PDCD6: variants seen among roughly 807,000 people sequenced by gnomAD.
The protein encoded by PDCD6 is programmed cell death 6, also known as programmed cell death protein 6.
PDCD6 carries 12 observed loss-of-function variants against 28.3 expected under a neutral mutation model. The observed-to-expected ratio is 0.42, with a 90% CI of 0.27 to 0.69. The LOEUF (loss-of-function observed/expected upper bound fraction) is 0.69. PDCD6 is among the 30% of genes least tolerant of loss of function. The pLI is 0.22. For missense variants in PDCD6, 226 were observed against 269.9 expected (o/e 0.84, Z 1.14); for synonymous variants, 92 against 108.0 (o/e 0.85, Z 0.92).
chr5:281,744 C>T (rs1205931787), intron 2 of PDCD6, among the ~76,000 whole-genome samples: 1 of 151,480 alleles, frequency 6.6e-6, no homozygotes, highest in Non-Finnish European at 1.5e-5. Flanking sequence ...GGCCCTACAG[C>T]TGGAGATCCG....
intron 2 of PDCD6, among the ~76,000 whole-genome samples, chr5:279,737 A>G (rs772186250): frequency 2.0e-5 from 3 of 149,768 alleles, no homozygotes; most frequent in Non-Finnish European, 4.4e-5. Flanking sequence ...ATGAATAAAT[A>G]TAAATGATTC....
At chr5:290,440 C>A (rs895790406) in intron 2 of PDCD6, 2 of 640,446 alleles carry the variant, frequency 3.1e-6, no homozygotes, top group Non-Finnish European at 5.6e-6. Context: ...GCATGCAGGC[C>A]AAGTTGGGTG....
At chr5:314,099 C>T (rs745365467) in intron 5 of PDCD6, among the ~76,000 whole-genome samples, 87 of 152,336 alleles carry the variant, frequency 5.7e-4, no homozygotes, top group Non-Finnish European at 1.2e-3. Context: ...TTCCACGGGA[C>T]GGTCTTCAGG....
At chr5:302,528 A>C in intron 2 of PDCD6, among the ~76,000 whole-genome samples, 1 of 136,834 alleles carries the variant, frequency 7.3e-6, no homozygotes, top group Non-Finnish European at 1.5e-5. Flanking sequence ...CCTCGGGTTC[A>C]GGTGCACCTG....
intron 2 of PDCD6, chr5:276,652 A>G (rs1738218944): frequency 1.0e-6 from 1 of 977,984 alleles, no homozygotes; most frequent in Non-Finnish European, 1.2e-6. Flanking sequence ...TGATAGTAGA[A>G]CTAAATTATT....
chr5:299,446 C>T (rs9654452), intron 2 of PDCD6, among the ~76,000 whole-genome samples: 35,761 of 150,356 alleles, frequency 0.24, 6,613 homozygotes, highest in African/African-American at 0.52. Context: ...CTGTGCTGAT[C>T]TCTCGTTCCC....
chr5:291,537 A>G (rs1452576584), intron 2 of PDCD6, among the ~76,000 whole-genome samples: 3 of 129,576 alleles, frequency 2.3e-5, no homozygotes, highest in Non-Finnish European at 3.3e-5. Context: ...GACATGGCTC[A>G]TTTTCATTGC....
rs111588970 is a variant in PDCD6, at chr5:307,367, G to A, written c.367+607G>A. ...GTGTGCTCGGCGTGTGTGTGCACAC[G>A]TGTGCCGTGCGCCTCAGAAGGGGCG... On this transcript the variant is annotated intron_variant, in intron 4 of 5. Coordinates refer to ENST00000264933, the MANE Select transcript of PDCD6 (RefSeq NM_013232.4). The surrounding 1 kb of genome is among the most constrained non-coding windows in gnomAD (Gnocchi z 6.1). Among the ~76,000 whole-genome samples the A allele has an allele frequency of 6.2e-5, 8 of 128,402 alleles. No individual in the cohort carries two copies. The highest frequency in any genetic ancestry group is 2.8e-4 in the South Asian group (1 of 3,588). The allele number at this position is 128,402 out of a possible 152,430, so 84.2% of individuals were successfully genotyped here.
chr5:277,047 T>C (rs1369415399), intron 2 of PDCD6: 5 of 516,862 alleles, frequency 9.7e-6, no homozygotes, highest in Non-Finnish European at 1.2e-5. Context: ...TTTGCCTTAA[T>C]ATAACACTGA....
intron 2 of PDCD6, among the ~76,000 whole-genome samples, chr5:275,354 T>C (rs1006735320): frequency 6.6e-6 from 1 of 152,220 alleles, no homozygotes; most frequent in African/African-American, 2.4e-5. Context: ...GCTTTCGGGC[T>C]CACACACCTG....
intron 2 of PDCD6, among the ~76,000 whole-genome samples, chr5:297,571 A>G (rs2126735537): frequency 6.6e-6 from 1 of 152,342 alleles, no homozygotes; most frequent in Non-Finnish European, 1.5e-5. Context: ...GCAAACACCC[A>G]TGAAACCATC....
intron 2 of PDCD6, among the ~76,000 whole-genome samples, chr5:275,570 A>G (rs774380561): frequency 6.3e-4 from 96 of 152,228 alleles, no homozygotes; most frequent in Non-Finnish European, 1.0e-3. Context: ...AAACTTTATG[A>G]CATAGTCTTA....
chr5:289,435 T>G, intron 2 of PDCD6: 2 of 688,854 alleles, frequency 2.9e-6, no homozygotes, highest in South Asian at 3.5e-5. Flanking sequence ...CATCCTCTTC[T>G]GTACGCGCTG....
At chr5:286,100 G>A (rs1351532238) in intron 2 of PDCD6, among the ~76,000 whole-genome samples, 1 of 151,128 alleles carries the variant, frequency 6.6e-6, no homozygotes, top group African/African-American at 2.4e-5. Context: ...ACCCAGGGGG[G>A]AGCTGATGTT....
At chr5:277,477 C>G (rs563873583) in intron 2 of PDCD6, among the ~76,000 whole-genome samples, 1 of 151,822 alleles carries the variant, frequency 6.6e-6, no homozygotes, top group African/African-American at 2.4e-5. Context: ...AATTTTTTGT[C>G]TTTTTAGTAG....
At chr5:302,070 C>CTGTGTGTGTGTGTGTG (rs369323059) in intron 2 of PDCD6, among the ~76,000 whole-genome samples, 1,606 of 57,630 alleles carry the variant, frequency 0.028, 204 homozygotes, top group Non-Finnish European at 0.039. Context: ...GAGTGCTGCT[C>CTGTGTGTGTGTGTGTG]TGTGTGTGTG....
chr5:310,783 C>G (rs893522541), intron 4 of PDCD6: 1 of 159,588 alleles, frequency 6.3e-6, no homozygotes, highest in East Asian at 1.9e-4. Context: ...CATTTCCTGA[C>G]ATTGTCACTT....
chr5:279,795 A>C (rs923440642), intron 2 of PDCD6, among the ~76,000 whole-genome samples: 6 of 148,298 alleles, frequency 4.0e-5, no homozygotes, highest in South Asian at 4.2e-4. Flanking sequence ...AAAAAAAAAA[A>C]AAAAAAAAAA....
At position 306,723 on chromosome 5, in the gene PDCD6, C is replaced by T. The variant is rs191142207; in HGVS notation, c.330C>T (p.Ile110=). ...RTYDRDNSGM[I]DKNELKQALS... is the part of the protein sequence containing the mutation. ...ACGACCGGGACAACTCCGGGATGAT[C>T]GATAAGAACGAGCTGAAGCAGGCCC... Residue 110 remains isoleucine, a synonymous_variant, in exon 4 of 6, where the codon ATC becomes ATT. Coordinates refer to ENST00000264933, the MANE Select transcript of PDCD6 (RefSeq NM_013232.4). The T allele has an allele frequency of 5.6e-6, 9 of 1,614,016 alleles. No homozygotes were observed. The highest frequency in any genetic ancestry group is 2.7e-5 in the African/African-American group (2 of 75,046).
Sources: gnomAD v4.1 joint callset for allele counts (sites outside exome capture counted in the v4.1 genomes callset) on GRCh38, gnomAD v4.1.1 for gene constraint, Gnocchi (gnomAD v3.1) non-coding constraint, MANE v1.5 for transcripts, NCBI Gene and HGNC (gene_info 2026-07-23, HGNC 2026-07-21) for gene names.